Variants in HEPH observed in about 807,000 individuals in gnomAD.
HEPH encodes hephaestin.
Under a neutral mutation model 80.8 loss-of-function variants are expected in HEPH, and 69 were observed. That is an observed-to-expected ratio of 0.85 (90% CI 0.70 to 1.04). The LOEUF is 1.04. HEPH is among the 50% of genes least tolerant of loss of function. The pLI is 0.00. For synonymous variants in HEPH, 431 were observed against 322.8 expected, an observed-to-expected ratio of 1.34 and a Z score of -3.60; for missense variants, 1,115 against 891.3, an observed-to-expected ratio of 1.25 and a Z score of -3.20.
At chrX:66,174,991 C>T (rs1470696965) in intron 4 of HEPH, among the ~76,000 whole-genome samples, 2 of 111,147 alleles carry the variant, frequency 1.8e-5, no homozygotes, top group Admixed American at 9.6e-5. Context: ...GTTGACTGTT[C>T]CTGTTGGCGT....
Position 66,197,876 on chromosome X carries a change from G to A in HEPH, c.1695G>A (p.Leu565=). The change falls in exon 10 of 21, where the codon TTG becomes TTA. Residue 565 remains leucine (L), a synonymous_variant. Coordinates refer to ENST00000343002, the MANE Select transcript of HEPH (RefSeq NM_001367233.3). ...TGCTGGTGTGCAGGGCTGGTGCCTT[G>A]GGTGCAGATGGCAAGCAGGTATTGT... The part of the protein sequence containing the change: ...GPLLVCRAGA[L]GADGKQKGVD... 8.3e-7 allele frequency: 1 copy of A among 1,199,292 alleles called. No individual in the cohort carries two copies. The highest frequency in any genetic ancestry group is 1.1e-6 in the Non-Finnish European group (1 of 888,884).
chrX:66,255,576 G>T lies in HEPH; in HGVS notation c.2670+435G>T, dbSNP rs1248408083. 2.7e-5 allele frequency among the ~76,000 whole-genome samples: 3 copies of T among 111,722 alleles called. No homozygotes were observed. In the Admixed American group the frequency reaches 2.9e-4, roughly 11 times the overall value. ...TTATCGATCTAGCCATCCATCTACA[G>T]CCAGCCATTAGTAATCATTTATTGA... On this transcript the variant is annotated intron_variant, in intron 16 of 20. Coordinates refer to ENST00000343002, the MANE Select transcript of HEPH (RefSeq NM_001367233.3).
At chrX:66,253,539 CT>C (rs2148173903) in intron 15 of HEPH, among the ~76,000 whole-genome samples, 1 of 112,191 alleles carries the variant, frequency 8.9e-6, no homozygotes, top group African/African-American at 3.2e-5. Flanking sequence ...GGTGCACGTG[CT>C]TTGGAAAGCA....
chrX:66,165,068 A>G (rs771343945), intron 1 of HEPH, among the ~76,000 whole-genome samples: 1 of 111,854 alleles, frequency 8.9e-6, no homozygotes, highest in Non-Finnish European at 1.9e-5. Context: ...GTGATTGAAA[A>G]AGATGGTTTC....
intron 15 of HEPH, among the ~76,000 whole-genome samples, chrX:66,214,286 G>A (rs2089288738): frequency 8.9e-6 from 1 of 112,276 alleles, no homozygotes; most frequent in Non-Finnish European, 1.9e-5. Flanking sequence ...AGTAGAAAGG[G>A]TGAGAAGTTT....
downstream of HEPH, chrX:66,268,714 G>A (rs928998414): frequency 1.8e-5 from 2 of 111,498 alleles, no homozygotes; most frequent in African/African-American, 6.5e-5. Context: ...TCCAGGTCAA[G>A]GAATAGAAAC....
chrX:66,200,172 G>C (rs974094725), intron 11 of HEPH, among the ~76,000 whole-genome samples: 1 of 107,958 alleles, frequency 9.3e-6, no homozygotes, highest in Non-Finnish European at 1.9e-5. Flanking sequence ...GGTTGTAAAA[G>C]GACCAGAAAG....
intron 15 of HEPH, among the ~76,000 whole-genome samples, chrX:66,217,105 A>G (rs929952013): frequency 2.7e-5 from 3 of 111,310 alleles, no homozygotes; most frequent in African/African-American, 9.8e-5. Context: ...TGGAAAACAT[A>G]TTTGAGGGAA....
chrX:66,171,628 C>T (rs2086598375), intron 2 of HEPH, among the ~76,000 whole-genome samples: 1 of 111,986 alleles, frequency 8.9e-6, no homozygotes, highest in Non-Finnish European at 1.9e-5. Context: ...GGAATAACAA[C>T]TCTGTCTTTT....
intron 5 of HEPH, among the ~76,000 whole-genome samples, chrX:66,188,883 C>T (rs1396042266): frequency 1.8e-5 from 2 of 112,335 alleles, no homozygotes; most frequent in Admixed American, 9.4e-5. Context: ...CCCACTGATA[C>T]AATTAATCAA....
At chrX:66,263,756 A>G (rs1340612465) in intron 20 of HEPH, 68 bp downstream of exon 20, 1 of 1,028,261 alleles carries the variant, frequency 9.7e-7, no homozygotes, top group African/African-American at 1.9e-5. Flanking sequence ...TGGGTGAAGT[A>G]CCTTTAGGGT....
chrX:66,257,101 A>T (rs11093899), intron 17 of HEPH, among the ~76,000 whole-genome samples: 9,132 of 112,063 alleles, frequency 0.081, 894 homozygotes, highest in African/African-American at 0.28. Context: ...GTCGTATATT[A>T]TTATCCCACA....
downstream of HEPH, chrX:66,268,858 TCAACA>T (rs1415416248): frequency 5.4e-5 from 6 of 111,820 alleles, no homozygotes; most frequent in African/African-American, 1.9e-4. Context: ...ATTATCAGTG[TCAACA>T]CATCAGTGAG....
At chrX:66,234,397 T>C (rs2090276979) in intron 15 of HEPH, among the ~76,000 whole-genome samples, 1 of 111,872 alleles carries the variant, frequency 8.9e-6, no homozygotes, top group Admixed American at 9.5e-5. Context: ...CATGTCTTTA[T>C]GATAGAACAA....
intron 15 of HEPH, among the ~76,000 whole-genome samples, chrX:66,247,876 A>G (rs1480997183): frequency 8.9e-6 from 1 of 112,057 alleles, no homozygotes; most frequent in Admixed American, 9.4e-5. Flanking sequence ...ATGAACTTAA[A>G]TTCATTATAA....
intron 15 of HEPH, among the ~76,000 whole-genome samples, chrX:66,252,851 GA>G (rs933107186): frequency 8.9e-6 from 1 of 111,780 alleles, no homozygotes; most frequent in Non-Finnish European, 1.9e-5. Flanking sequence ...CCTTTCAATG[GA>G]AAAAAATAGT....
chrX:66,195,188 T>G lies in HEPH; in HGVS notation c.1460T>G (p.Val487Gly). ...CCATTCAGCATGCAGCCCCATGGGG[T>G]CTTTTATGAGAAAGACTATGAAGGC... ...SQPFSMQPHG[V>G]FYEKDYEGTV... Residue 487 changes from valine (V) to glycine (G), a missense_variant, in exon 9 of 21, where the codon GTC becomes GGC. Val to Gly is a moderately radical substitution (Grantham distance 109). This residue lies in a region of HEPH where 716 missense variants were observed against 523.5 expected (regional missense o/e 1.37). Transcript: ENST00000343002. 1 of 1,200,516 alleles carries G rather than the reference T, an allele frequency of 8.3e-7. No homozygotes were observed. The highest frequency in any genetic ancestry group is 1.1e-6 in the Non-Finnish European group (1 of 890,515).
At chrX:66,200,295 A>G (rs1462067377) in intron 11 of HEPH, among the ~76,000 whole-genome samples, 5 of 103,453 alleles carry the variant, frequency 4.8e-5, no homozygotes, top group Admixed American at 1.0e-4. Context: ...GAATAGTTCA[A>G]TGTTGTCAGG....
At chrX:66,268,578 C>G (rs997352583), downstream of HEPH, 2 of 111,583 alleles carry the variant, frequency 1.8e-5, no homozygotes, top group Non-Finnish European at 3.8e-5. Flanking sequence ...GCTAGGAATT[C>G]CAGTCAATTA....
Sources: gnomAD v4.1 joint callset for allele counts (sites outside exome capture counted in the v4.1 genomes callset) on GRCh38, gnomAD v4.1.1 for gene constraint, gnomAD v4.1.1 regional missense constraint, MANE v1.5 for transcripts, NCBI Gene and HGNC (gene_info 2026-07-23, HGNC 2026-07-21) for gene names.